The following COL25A1 variants were observed in gnomAD, a reference collection of about 807,000 sequenced individuals.
COL25A1 encodes the protein collagen alpha-1(XXV) chain.
Under a neutral mutation model 128.4 loss-of-function variants are expected in COL25A1, and 103 were observed. The ratio of observed to expected loss-of-function variants is 0.80; its 90% CI spans 0.68 to 0.94. The LOEUF (loss-of-function observed/expected upper bound fraction) is 0.94. Ranked by LOEUF, COL25A1 falls within the 40% of genes least tolerant of loss-of-function variation. COL25A1 has a pLI of 0.00. For missense variants in COL25A1, 745 were observed against 840.0 expected (o/e 0.89, Z 1.40); for synonymous variants, 279 against 277.2 (o/e 1.01, Z -0.06).
intron 13 of COL25A1, among the ~76,000 whole-genome samples, chr4:108,903,556 C>T (rs559864208): frequency 1.9e-4 from 29 of 152,010 alleles, no homozygotes; most frequent in African/African-American, 3.6e-4. Flanking sequence ...AAAATAAATA[C>T]CTCTGTAAAT....
intron 13 of COL25A1, among the ~76,000 whole-genome samples, chr4:108,904,140 T>C (rs1743176493): frequency 1.3e-5 from 2 of 152,098 alleles, no homozygotes; most frequent in Admixed American, 1.3e-4. Context: ...AGTCTGAGTT[T>C]CATAGCCAAG....
At chr4:108,824,492 A>C (rs143787827) in intron 34 of COL25A1, among the ~76,000 whole-genome samples, 327 of 152,334 alleles carry the variant, frequency 2.1e-3, no homozygotes, top group African/African-American at 7.6e-3. Flanking sequence ...AATTCTGGCA[A>C]GTTCACTGAT....
At chr4:108,922,106 C>T (rs1431194877) in intron 11 of COL25A1, among the ~76,000 whole-genome samples, 1 of 152,062 alleles carries the variant, frequency 6.6e-6, no homozygotes, top group Non-Finnish European at 1.5e-5. Context: ...AATCAGTTAC[C>T]CCTAGATCTG....
chr4:108,948,654 T>C (rs1020234711), intron 8 of COL25A1, among the ~76,000 whole-genome samples: 1 of 152,192 alleles, frequency 6.6e-6, no homozygotes, highest in African/African-American at 2.4e-5. Context: ...CTGAATTCCA[T>C]TCTACTATGT....
chr4:108,949,827 G>A (rs999636558), intron 8 of COL25A1, among the ~76,000 whole-genome samples: 6 of 152,190 alleles, frequency 3.9e-5, no homozygotes, highest in Non-Finnish European at 7.4e-5. Flanking sequence ...GAGCCACAGC[G>A]CCCAGCCCCA....
intron 3 of COL25A1, among the ~76,000 whole-genome samples, chr4:109,152,333 G>A (rs993087327): frequency 6.6e-6 from 1 of 152,142 alleles, no homozygotes; most frequent in African/African-American, 2.4e-5. Context: ...AAACTCATTA[G>A]CATATATTTA....
intron 3 of COL25A1, among the ~76,000 whole-genome samples, chr4:109,258,662 C>T (rs1409784803): frequency 6.6e-6 from 1 of 152,038 alleles, no homozygotes; most frequent in Non-Finnish European, 1.5e-5. Flanking sequence ...ATGTTACTAA[C>T]AATAATAATG....
chr4:109,153,011 G>A (rs1393114897), intron 3 of COL25A1, among the ~76,000 whole-genome samples: 6 of 152,010 alleles, frequency 3.9e-5, no homozygotes, highest in Non-Finnish European at 5.9e-5. Context: ...CATTTAAGTG[G>A]TTAAAGAGAT....
At chr4:108,906,074 G>T (rs1743476952) in intron 13 of COL25A1, among the ~76,000 whole-genome samples, 1 of 152,112 alleles carries the variant, frequency 6.6e-6, no homozygotes, top group South Asian at 2.1e-4. Context: ...TCTCTTAAAA[G>T]CAAGTCAGGC....
chr4:108,886,442 TTGTGTGTGTGTGTGTG>T (rs375825376), intron 18 of COL25A1, among the ~76,000 whole-genome samples: 34 of 81,406 alleles, frequency 4.2e-4, no homozygotes, highest in Admixed American at 1.3e-3. Context: ...CTATGAGATT[TTGTGTGTGTGTGTGTG>T]TGTGTGTGTG....
chr4:109,274,216 AT>A (rs1304195036), intron 3 of COL25A1, among the ~76,000 whole-genome samples: 2 of 152,070 alleles, frequency 1.3e-5, no homozygotes, highest in Non-Finnish European at 2.9e-5. Flanking sequence ...AATTAAAAAA[AT>A]GATAATCAAA....
At chr4:108,908,400 G>T (rs1743785856) in intron 13 of COL25A1, among the ~76,000 whole-genome samples, 1 of 152,082 alleles carries the variant, frequency 6.6e-6, no homozygotes, top group African/African-American at 2.4e-5. Context: ...GCTTCTCTCT[G>T]TGTGTAGCAG....
At chr4:108,866,561 C>T (rs559080907) in intron 20 of COL25A1, among the ~76,000 whole-genome samples, 2 of 152,308 alleles carry the variant, frequency 1.3e-5, no homozygotes, top group Non-Finnish European at 2.9e-5. Context: ...AAAGATGCAG[C>T]ATGTTTTGAT....
intron 23 of COL25A1, among the ~76,000 whole-genome samples, chr4:108,860,675 G>A (rs1346431082): frequency 1.3e-5 from 2 of 152,088 alleles, no homozygotes; most frequent in Non-Finnish European, 2.9e-5. Flanking sequence ...GGAACAGAGG[G>A]AAAGTAGACA....
intron 8 of COL25A1, among the ~76,000 whole-genome samples, chr4:108,961,624 CTGT>C (rs1750712676): frequency 6.7e-6 from 1 of 148,544 alleles, no homozygotes; most frequent in African/African-American, 2.5e-5. Context: ...CTGTTCTGTT[CTGT>C]TGTTGTGTTG....
Position 109,254,509 on chromosome 4 carries a change from A to ATATATATATATATG in COL25A1, c.367+46073_367+46074insCATATATATATATA, listed in dbSNP as rs59126671. Among the ~76,000 whole-genome samples the ATATATATATATATG allele has an allele frequency of 1.2e-3, 125 of 104,492 alleles. 3 individuals carry two copies. The highest frequency in any genetic ancestry group is 4.4e-3 in the African/African-American group (119 of 26,988). The allele number at this position is 104,492 out of a possible 152,430, so 68.6% of individuals were successfully genotyped here. On this transcript the variant is annotated intron_variant, in intron 3 of 37. Coordinates refer to ENST00000399132, the MANE Select transcript of COL25A1 (RefSeq NM_198721.4). The stretch of plus-strand genomic sequence containing the variant: ...TATATATATATATATATATATATGT[A>ATATATATATATATG]TGTGTGTATATACATATACATATAT...
At chr4:109,013,011 G>A (rs1756801025) in intron 5 of COL25A1, among the ~76,000 whole-genome samples, 1 of 152,206 alleles carries the variant, frequency 6.6e-6, no homozygotes, top group South Asian at 2.1e-4. Context: ...TCTGTGTCTA[G>A]CTCAGGGTTC....
intron 14 of COL25A1, among the ~76,000 whole-genome samples, chr4:108,899,778 C>T (rs1416302282): frequency 2.6e-5 from 4 of 152,020 alleles, no homozygotes; most frequent in African/African-American, 7.2e-5. Context: ...AGGAAAGACA[C>T]TAGAATGGGG....
intron 3 of COL25A1, among the ~76,000 whole-genome samples, chr4:109,209,251 A>G (rs1410862540): frequency 1.3e-5 from 2 of 152,304 alleles, no homozygotes; most frequent in South Asian, 2.1e-4. Context: ...TATTTCCAAA[A>G]GCAGATGAAA....
Sources: allele counts gnomAD v4.1 joint callset (sites outside exome capture counted in the v4.1 genomes callset), GRCh38; gene constraint gnomAD v4.1.1; transcripts MANE v1.5; gene names NCBI Gene and HGNC (gene_info 2026-07-23, HGNC 2026-07-21).